The following PHACTR1 variants were observed in gnomAD, a reference collection of about 807,000 sequenced individuals.
PHACTR1 encodes the protein phosphatase and actin regulator 1, also known as RPEL repeat containing 1.
Under a neutral mutation model 69.2 loss-of-function variants are expected in PHACTR1, and 16 were observed. The ratio of observed to expected loss-of-function variants is 0.23; its 90% CI spans 0.16 to 0.35. The LOEUF (loss-of-function observed/expected upper bound fraction) is 0.35, where lower values mean the gene tolerates loss of function less well. Among genes scored for constraint, PHACTR1 ranks in the 10% least tolerant of loss-of-function variants. The probability of loss-of-function intolerance (pLI) is 1.00; values close to 1 mark genes in which losing one functional copy is unlikely to be tolerated. For missense variants in PHACTR1, 510 were observed against 734.7 expected, an observed-to-expected ratio of 0.69 and a Z score of 3.54; for synonymous variants, 312 against 284.5, an observed-to-expected ratio of 1.10 and a Z score of -0.97.
In PHACTR1 at chr6:13,039,317, A is replaced by G. The variant is rs187437468; in HGVS notation, c.251-14048A>G. ...CCATTTACTCCTCTTGCACACAGTA[A>G]TCACTTAAATATGTTTTCAGTGAGA... On this transcript the variant is annotated intron_variant, in intron 4 of 14. Coordinates refer to ENST00000332995, the MANE Select transcript of PHACTR1 (RefSeq NM_030948.6). Among the ~76,000 whole-genome samples the G allele has an allele frequency of 2.2e-4, 34 of 152,342 alleles. No individual in the cohort carries two copies. The Middle Eastern group carries it at 0.01, about 46-fold the overall frequency.
chr6:13,081,428 G>T (rs367647311), intron 5 of PHACTR1, among the ~76,000 whole-genome samples: 2 of 152,292 alleles, frequency 1.3e-5, no homozygotes, highest in East Asian at 3.9e-4. Context: ...GACGCAACAT[G>T]TATCTGTTCT....
At chr6:13,234,517 C>T (rs1361911741) in intron 10 of PHACTR1, among the ~76,000 whole-genome samples, 1 of 148,526 alleles carries the variant, frequency 6.7e-6, no homozygotes, top group Non-Finnish European at 1.5e-5. Flanking sequence ...GTTCCAATAA[C>T]ATAAGAAAAA....
At chr6:12,795,709 A>G (rs1028311741) in intron 4 of PHACTR1, among the ~76,000 whole-genome samples, 4 of 151,668 alleles carry the variant, frequency 2.6e-5, no homozygotes, top group African/African-American at 4.9e-5. Context: ...GTTGATCTAT[A>G]TAAGGAACAA....
intron 12 of PHACTR1, chr6:13,280,828 TC>T: frequency 1.7e-6 from 1 of 571,518 alleles, no homozygotes; most frequent in Non-Finnish European, 2.7e-6. Flanking sequence ...TTTGCAGCAT[TC>T]AAGGAAGGAC....
intron 4 of PHACTR1, among the ~76,000 whole-genome samples, chr6:12,961,076 G>A (rs376884325): frequency 3.3e-5 from 5 of 152,070 alleles, no homozygotes; most frequent in Non-Finnish European, 5.9e-5. Context: ...GCAGGGAAAG[G>A]GTTTCCTAAA....
intron 4 of PHACTR1, among the ~76,000 whole-genome samples, chr6:13,013,107 G>A (rs1190169847): frequency 6.6e-6 from 1 of 152,164 alleles, no homozygotes; most frequent in African/African-American, 2.4e-5. Flanking sequence ...GGAAATCCTG[G>A]TAGATGTCAC....
At chr6:12,984,336 T>C (rs1332655025) in intron 4 of PHACTR1, among the ~76,000 whole-genome samples, 2 of 152,256 alleles carry the variant, frequency 1.3e-5, no homozygotes, top group Admixed American at 6.5e-5. Flanking sequence ...TTTTTTGTTG[T>C]TGTTGTTTTT....
intron 4 of PHACTR1, among the ~76,000 whole-genome samples, chr6:12,869,088 C>T (rs1781761501): frequency 6.6e-6 from 1 of 152,126 alleles, no homozygotes; most frequent in Non-Finnish European, 1.5e-5. Flanking sequence ...CACCCACAGC[C>T]TCCTAATCTG....
At chr6:13,268,242 G>A (rs1777095830) in intron 10 of PHACTR1, among the ~76,000 whole-genome samples, 1 of 152,180 alleles carries the variant, frequency 6.6e-6, no homozygotes, top group South Asian at 2.1e-4. Context: ...ACTCCAGCGT[G>A]GGTGACAGGG....
chr6:12,972,596 T>C (rs1227567104), intron 4 of PHACTR1, among the ~76,000 whole-genome samples: 1 of 151,898 alleles, frequency 6.6e-6, no homozygotes, highest in African/African-American at 2.4e-5. Flanking sequence ...CCGTGACTCA[T>C]GGCCCTTTCC....
chr6:12,931,713 A>G (rs1453309429), intron 4 of PHACTR1, among the ~76,000 whole-genome samples: 2 of 151,900 alleles, frequency 1.3e-5, no homozygotes, highest in African/African-American at 4.8e-5. Context: ...TAAGTAAAAA[A>G]GGAGGGGAGT....
At chr6:13,041,380 A>ACACACACAC in intron 4 of PHACTR1, among the ~76,000 whole-genome samples, 1 of 151,188 alleles carries the variant, frequency 6.6e-6, no homozygotes, top group Non-Finnish European at 1.5e-5. Context: ...ACACACACAC[A>ACACACACAC]GAAGAGAAGA....
chr6:12,874,467 A>G (rs996476673), intron 4 of PHACTR1, among the ~76,000 whole-genome samples: 1 of 152,200 alleles, frequency 6.6e-6, no homozygotes, highest in Non-Finnish European at 1.5e-5. Context: ...TATTCATCAT[A>G]TCTTTCTTCT....
intron 8 of PHACTR1, among the ~76,000 whole-genome samples, chr6:13,208,634 C>CG (rs372359988): frequency 1.3e-5 from 2 of 150,662 alleles, no homozygotes; most frequent in African/African-American, 2.4e-5. Flanking sequence ...GCTGCCCACC[C>CG]CCCCAACCCC....
chr6:13,197,927 G>A (rs936067416), intron 7 of PHACTR1, among the ~76,000 whole-genome samples: 2 of 152,158 alleles, frequency 1.3e-5, no homozygotes, highest in Admixed American at 6.5e-5. Context: ...ATAGATCAGC[G>A]TCCCCTAGAG....
At position 13,183,967 on chromosome 6, in the gene PHACTR1, G is replaced by A. The variant is rs115488127; in HGVS notation, c.664+1281G>A. On this transcript the variant is annotated intron_variant, in intron 7 of 14. Coordinates refer to ENST00000332995, the MANE Select transcript of PHACTR1 (RefSeq NM_030948.6). Reference sequence around the variant, plus strand: ...CCCCATGAAAGAAAGGAAGAGGCGCGTCCAATGCAGTGCAAAGAGAAATGG... The same window carrying A: ...CCCCATGAAAGAAAGGAAGAGGCGCATCCAATGCAGTGCAAAGAGAAATGG... Among the ~76,000 whole-genome samples, 632 of 152,296 alleles carry A rather than the reference G, an allele frequency of 4.1e-3. 3 individuals are homozygous for A. Among genetic ancestry groups the A allele is most frequent in the African/African-American group, 0.014 (600 of 41,564 alleles).
chr6:12,779,273 T>G (rs1379252407), intron 4 of PHACTR1, among the ~76,000 whole-genome samples: 1 of 152,158 alleles, frequency 6.6e-6, no homozygotes, highest in Admixed American at 6.5e-5. Flanking sequence ...AGGCAGAGAT[T>G]GCGGTGAGCT....
rs573367366 is a variant in PHACTR1, at chr6:12,976,200, C to T, written c.251-77165C>T. Among the ~76,000 whole-genome samples the T allele has an allele frequency of 7.2e-5, 11 of 152,190 alleles. No individual in the cohort carries two copies. In the South Asian group the frequency reaches 1.0e-3, roughly 14 times the overall value. The stretch of plus-strand genomic sequence containing the variant: ...GTTCGGAACAAGAGAGCAGGATTGC[C>T]GACTTTTAGATTTCTTTTCAGAGGT... On this transcript the variant is annotated intron_variant, in intron 4 of 14. Coordinates refer to ENST00000332995, the MANE Select transcript of PHACTR1 (RefSeq NM_030948.6).
At chr6:12,945,964 AAAATAAATAAAT>A (rs146460461) in intron 4 of PHACTR1, among the ~76,000 whole-genome samples, 18 of 142,444 alleles carry the variant, frequency 1.3e-4, no homozygotes, top group South Asian at 6.9e-4. Context: ...CTCTGTCTCA[AAAATAAATAAAT>A]AAATAAATAA....
Sources: gnomAD v4.1 joint callset for allele counts (sites outside exome capture counted in the v4.1 genomes callset) on GRCh38, gnomAD v4.1.1 for gene constraint, MANE v1.5 for transcripts, NCBI Gene and HGNC (gene_info 2026-07-23, HGNC 2026-07-21) for gene names.